The following MRTFA variants were observed in gnomAD, a reference collection of about 807,000 sequenced individuals.
MRTFA encodes the protein myocardin related transcription factor A, also known as myocardin-related transcription factor A.
A neutral mutation model predicts 83.5 loss-of-function variants in MRTFA; 20 were observed. The ratio of observed to expected loss-of-function variants is 0.24; its 90% CI spans 0.17 to 0.35. The LOEUF (loss-of-function observed/expected upper bound fraction) is 0.35. Ranked by LOEUF, MRTFA falls within the 10% of genes least tolerant of loss-of-function variation. MRTFA has a pLI of 1.00. For synonymous variants in MRTFA, 659 were observed against 541.2 expected (o/e 1.22, Z -3.02); for missense variants, 1,200 against 1,224.7 (o/e 0.98, Z 0.30).
chr22:40,520,868 G>A (rs1184387823), intron 3 of MRTFA, among the ~76,000 whole-genome samples: 2 of 152,024 alleles, frequency 1.3e-5, no homozygotes, highest in Non-Finnish European at 2.9e-5. Context: ...ATGAACATTT[G>A]TCTGTGTAAA....
intron 3 of MRTFA, among the ~76,000 whole-genome samples, chr22:40,541,807 C>T (rs912841460): frequency 6.6e-6 from 1 of 151,802 alleles, no homozygotes; most frequent in Admixed American, 6.6e-5. Flanking sequence ...GCTGGGATTA[C>T]AGGTGCCTGC....
Position 40,423,549 on chromosome 22 carries a change from G to T in MRTFA, c.914C>A (p.Pro305His), listed in dbSNP as rs1165786534. The T allele has an allele frequency of 1.9e-6, 3 of 1,564,870 alleles. 1 individual carries two copies. The highest frequency in any genetic ancestry group is 8.7e-7 in the Non-Finnish European group (1 of 1,152,876). The change falls in exon 9 of 15, where the codon CCC becomes CAC. Residue 305 changes from proline (P) to histidine (H), a missense_variant. Pro to His is a moderately conservative substitution (Grantham distance 77). Around this residue, in one of 2 missense-constraint regions of MRTFA, gnomAD observed 1,107 missense variants for 1,041.8 expected, o/e 1.06. Coordinates refer to ENST00000355630, the MANE Select transcript of MRTFA (RefSeq NM_020831.6). ...GCAGAAATGTACCTTAATGAGTGTG[G>T]GGGTGGACTTGGCAGTGGGGATAGT...
intron 1 of MRTFA, among the ~76,000 whole-genome samples, chr22:40,621,581 T>C (rs1413384333): frequency 6.6e-6 from 1 of 152,164 alleles, no homozygotes; most frequent in South Asian, 2.1e-4. Context: ...TTAACACCAC[T>C]GGACAGTACA....
chr22:40,581,023 C>T (rs1197957158), intron 2 of MRTFA, among the ~76,000 whole-genome samples: 1 of 151,914 alleles, frequency 6.6e-6, no homozygotes, highest in East Asian at 1.9e-4. Context: ...CACAACATTG[C>T]TCAGGCTGGT....
At chr22:40,597,819 C>T (rs2056211755) in intron 1 of MRTFA, among the ~76,000 whole-genome samples, 1 of 152,174 alleles carries the variant, frequency 6.6e-6, no homozygotes, top group Non-Finnish European at 1.5e-5. Flanking sequence ...TATTTGAAGG[C>T]TTAAGTATTA....
intron 1 of MRTFA, among the ~76,000 whole-genome samples, chr22:40,618,468 C>A (rs73169071): frequency 1.3e-5 from 2 of 151,578 alleles, no homozygotes; most frequent in Non-Finnish European, 2.9e-5. Flanking sequence ...GTAAACCATG[C>A]GAAGGGAGAG....
chr22:40,509,133 C>A (rs897216867), intron 3 of MRTFA, among the ~76,000 whole-genome samples: 9 of 152,162 alleles, frequency 5.9e-5, no homozygotes, highest in Non-Finnish European at 1.3e-4. Flanking sequence ...GGGTCCAGTG[C>A]CTGCTCAGCT....
intron 4 of MRTFA, among the ~76,000 whole-genome samples, chr22:40,438,772 G>GA (rs373900436): frequency 1.1e-3 from 161 of 147,592 alleles, no homozygotes; most frequent in East Asian, 4.3e-3. Flanking sequence ...CACATGTATA[G>GA]AAAAAAAAAA....
intron 4 of MRTFA, among the ~76,000 whole-genome samples, chr22:40,448,807 A>G (rs2053431897): frequency 6.6e-6 from 1 of 152,212 alleles, no homozygotes; most frequent in Admixed American, 6.5e-5. Flanking sequence ...TTTCTCATAC[A>G]GCTTTAGGCA....
chr22:40,503,016 C>A (rs117842361), intron 3 of MRTFA, among the ~76,000 whole-genome samples: 6 of 152,198 alleles, frequency 3.9e-5, no homozygotes, highest in Non-Finnish European at 5.9e-5. Context: ...ACACCCTCAT[C>A]TACGCACAGG....
At chr22:40,546,169 T>C (rs1569322023) in intron 3 of MRTFA, among the ~76,000 whole-genome samples, 1 of 152,262 alleles carries the variant, frequency 6.6e-6, no homozygotes, top group Non-Finnish European at 1.5e-5. Flanking sequence ...GTTCTAGAAC[T>C]CCACACTTTC....
intron 1 of MRTFA, among the ~76,000 whole-genome samples, chr22:40,621,165 G>C (rs1208061045): frequency 6.7e-6 from 1 of 149,520 alleles, no homozygotes; most frequent in Admixed American, 6.7e-5. Flanking sequence ...CTGGGTGACA[G>C]AGCGAGACTC....
intron 1 of MRTFA, among the ~76,000 whole-genome samples, chr22:40,634,432 T>C (rs1024896674): frequency 6.6e-6 from 1 of 152,204 alleles, no homozygotes; most frequent in African/African-American, 2.4e-5. Context: ...CTCTTTGGAA[T>C]TTCCTCTCCT....
intron 3 of MRTFA, among the ~76,000 whole-genome samples, chr22:40,518,795 CAAAAAAA>C (rs879690699): frequency 1.5e-5 from 1 of 68,136 alleles, no homozygotes; most frequent in South Asian, 6.2e-4. Context: ...ACTCTGTCTC[CAAAAAAA>C]AAAAAAAAAA....
At chr22:40,431,108 G>A (rs1364832230) in intron 6 of MRTFA, among the ~76,000 whole-genome samples, 1 of 152,190 alleles carries the variant, frequency 6.6e-6, no homozygotes, top group Non-Finnish European at 1.5e-5. Context: ...GAGTCAGACT[G>A]TGTCTTAAAC....
intron 2 of MRTFA, among the ~76,000 whole-genome samples, chr22:40,586,490 C>A (rs1260138634): frequency 6.6e-6 from 1 of 152,158 alleles, no homozygotes; most frequent in Admixed American, 6.5e-5. Flanking sequence ...CAAACGCCCT[C>A]AGAATCTTCA....
chr22:40,497,794 G>A (rs1433877177), intron 3 of MRTFA, among the ~76,000 whole-genome samples: 1 of 151,708 alleles, frequency 6.6e-6, no homozygotes, highest in Non-Finnish European at 1.5e-5. Context: ...TTCTTCTTAT[G>A]TAAAAGGCTA....
intron 2 of MRTFA, among the ~76,000 whole-genome samples, chr22:40,576,119 C>T (rs1198870026): frequency 2.0e-5 from 3 of 151,482 alleles, no homozygotes; most frequent in Admixed American, 1.3e-4. Flanking sequence ...ACCTCCACCC[C>T]GTGGGTTCAA....
chr22:40,495,451 CAA>C (rs1316601851), intron 3 of MRTFA, among the ~76,000 whole-genome samples: 2 of 121,470 alleles, frequency 1.6e-5, no homozygotes, highest in Non-Finnish European at 3.5e-5. Flanking sequence ...GACTCCGTCT[CAA>C]AAAAAAAAAA....
Sources: allele counts gnomAD v4.1 joint callset (sites outside exome capture counted in the v4.1 genomes callset), GRCh38; gene constraint gnomAD v4.1.1; regional missense constraint gnomAD v4.1.1; transcripts MANE v1.5; gene names NCBI Gene and HGNC (gene_info 2026-07-23, HGNC 2026-07-21).